Variants in NRG3 observed in about 807,000 individuals in gnomAD.
The protein encoded by NRG3 is pro-neuregulin-3, membrane-bound isoform.
Under a neutral mutation model 66.9 loss-of-function variants are expected in NRG3, and 31 were observed. That is an observed-to-expected ratio of 0.46 (90% CI 0.35 to 0.63). NRG3 has a LOEUF of 0.63. NRG3 is among the 20% of genes least tolerant of loss of function. The pLI, the probability that NRG3 is intolerant of heterozygous loss-of-function variation, is 0.00. For missense variants in NRG3, 910 were observed against 878.9 expected, an observed-to-expected ratio of 1.04 and a Z score of -0.45; for synonymous variants, 393 against 359.4, an observed-to-expected ratio of 1.09 and a Z score of -1.06.
chr10:82,744,970 GCTA>G, intron 3 of NRG3, among the ~76,000 whole-genome samples: 1 of 152,220 alleles, frequency 6.6e-6, no homozygotes, highest in East Asian at 1.9e-4. Flanking sequence ...TGAGACAGGT[GCTA>G]CTAAGGATTA....
At chr10:82,128,524 C>T (rs566492427) in intron 1 of NRG3, among the ~76,000 whole-genome samples, 1 of 151,956 alleles carries the variant, frequency 6.6e-6, no homozygotes, top group East Asian at 1.9e-4. Flanking sequence ...AAGGAAATGC[C>T]TTTTGCATTT....
intron 2 of NRG3, among the ~76,000 whole-genome samples, chr10:82,665,894 A>G (rs1427258255): frequency 2.6e-5 from 4 of 151,548 alleles, no homozygotes; most frequent in Middle Eastern, 3.2e-3. Flanking sequence ...AGACAGTCTC[A>G]CTCTGTTGCA....
intron 2 of NRG3, among the ~76,000 whole-genome samples, chr10:82,577,630 C>T (rs189835200): frequency 3.2e-4 from 48 of 151,752 alleles, no homozygotes; most frequent in African/African-American, 1.2e-3. Context: ...TTAAAAAAAT[C>T]TTTCTATGAC....
chr10:82,102,826 A>G (rs1013627501), intron 1 of NRG3, among the ~76,000 whole-genome samples: 2 of 151,970 alleles, frequency 1.3e-5, no homozygotes, highest in South Asian at 2.1e-4. Flanking sequence ...TATTCTATCT[A>G]TATACATTGA....
In NRG3 at chr10:82,257,461, C is replaced by CA. The variant is rs757748759; in HGVS notation, c.824-101268dup. 2.6e-3 allele frequency among the ~76,000 whole-genome samples: 390 copies of CA among 147,826 alleles called. 1 individual carries two copies. Among genetic ancestry groups the CA allele is most frequent in the African/African-American group, 8.3e-3 (335 of 40,526 alleles). On this transcript the variant is annotated intron_variant, in intron 1 of 8. Transcript: ENST00000372141. ...AGTGATTAGCAAACATTTATAAATA[C>CA]AAAAAAAAAAGTTATTAAGAATTCT... is the stretch of plus-strand genomic sequence containing the variant.
At chr10:82,125,563 G>A (rs1489993244) in intron 1 of NRG3, among the ~76,000 whole-genome samples, 1 of 151,998 alleles carries the variant, frequency 6.6e-6, no homozygotes, top group African/African-American at 2.4e-5. Flanking sequence ...TTAGGCAAGT[G>A]TTCTTCAACA....
At chr10:82,015,870 A>G (rs7899474) in intron 1 of NRG3, among the ~76,000 whole-genome samples, 119,875 of 151,300 alleles carry the variant, frequency 0.79, 47,727 homozygotes, top group African/African-American at 0.85. Flanking sequence ...ACATCATAGA[A>G]GTTATAGTGT....
chr10:81,893,333 A>G (rs1188990784), intron 1 of NRG3, among the ~76,000 whole-genome samples: 2 of 152,196 alleles, frequency 1.3e-5, no homozygotes, highest in Non-Finnish European at 2.9e-5. Flanking sequence ...GTGATGATGT[A>G]TATTTACATA....
At chr10:82,675,108 G>A (rs554119644) in intron 2 of NRG3, among the ~76,000 whole-genome samples, 21 of 151,978 alleles carry the variant, frequency 1.4e-4, no homozygotes, top group African/African-American at 2.2e-4. Flanking sequence ...ACAGGCACCC[G>A]CCATCATGCT....
At chr10:82,193,980 C>T (rs568062662) in intron 1 of NRG3, among the ~76,000 whole-genome samples, 7 of 152,118 alleles carry the variant, frequency 4.6e-5, no homozygotes, top group Admixed American at 1.3e-4. Context: ...GGTTCCACAG[C>T]GAGGAAGAAT....
intron 1 of NRG3, among the ~76,000 whole-genome samples, chr10:82,297,896 C>T (rs763487324): frequency 6.6e-6 from 1 of 152,010 alleles, no homozygotes; most frequent in Non-Finnish European, 1.5e-5. Flanking sequence ...AATCCCAGCA[C>T]TTCAGGAGGC....
At chr10:82,977,545 GT>G (rs1157604719) in intron 7 of NRG3, among the ~76,000 whole-genome samples, 1 of 150,120 alleles carries the variant, frequency 6.7e-6, no homozygotes, top group Non-Finnish European at 1.5e-5. Flanking sequence ...GGAGGTAGAG[GT>G]TGCAGTGAGC....
intron 2 of NRG3, among the ~76,000 whole-genome samples, chr10:82,399,564 C>G (rs979300701): frequency 6.6e-6 from 1 of 152,138 alleles, no homozygotes; most frequent in East Asian, 1.9e-4. Context: ...GGTGAGGGTC[C>G]TCCTCCAGGT....
intron 2 of NRG3, among the ~76,000 whole-genome samples, chr10:82,631,504 G>T (rs1273038777): frequency 2.6e-5 from 4 of 151,598 alleles, no homozygotes; most frequent in Non-Finnish European, 5.9e-5. Context: ...AGTCTTTCAG[G>T]CAATGTTTAA....
At chr10:82,729,575 A>G (rs535760425) in intron 2 of NRG3, among the ~76,000 whole-genome samples, 1 of 152,166 alleles carries the variant, frequency 6.6e-6, no homozygotes, top group Non-Finnish European at 1.5e-5. Context: ...CATGTTAGGT[A>G]TTTTAGTTTT....
At chr10:82,251,638 T>A (rs2077494669) in intron 1 of NRG3, among the ~76,000 whole-genome samples, 1 of 152,194 alleles carries the variant, frequency 6.6e-6, no homozygotes, top group Non-Finnish European at 1.5e-5. Context: ...CACTTTGATT[T>A]TTTTTCTAAG....
chr10:82,765,125 A>G (rs1478320137), intron 3 of NRG3, among the ~76,000 whole-genome samples: 1 of 152,168 alleles, frequency 6.6e-6, no homozygotes, highest in Non-Finnish European at 1.5e-5. Context: ...CAGAATAAAC[A>G]CCTGAGAAAA....
At position 82,863,664 on chromosome 10, in the gene NRG3, G is replaced by A. The variant is rs202102334; in HGVS notation, c.1028-1747G>A. On this transcript the variant is annotated intron_variant, in intron 3 of 8. Transcript: ENST00000372141. The stretch of plus-strand genomic sequence containing the variant: ...TGGTGGCATAAATGTCTTCTTTTGA[G>A]AAGTCTATTTATATCCTTTGCCCAC... Among the ~76,000 whole-genome samples the A allele has an allele frequency of 6.6e-5, 10 of 152,194 alleles. No homozygotes were observed. In the East Asian group the frequency reaches 1.9e-3, roughly 29 times the overall value.
intron 1 of NRG3, among the ~76,000 whole-genome samples, chr10:82,086,605 AT>A (rs1461653378): frequency 2.6e-5 from 4 of 152,174 alleles, no homozygotes; most frequent in African/African-American, 9.7e-5. Flanking sequence ...AATAACCATC[AT>A]CAAGGTGGTT....
Sources: gnomAD v4.1 joint callset for allele counts (sites outside exome capture counted in the v4.1 genomes callset) on GRCh38, gnomAD v4.1.1 for gene constraint, MANE v1.5 for transcripts, NCBI Gene and HGNC (gene_info 2026-07-23, HGNC 2026-07-21) for gene names.